Variants in REPS2 observed in about 807,000 individuals in gnomAD.
REPS2 encodes the protein ralBP1-associated Eps domain-containing protein 2.
REPS2 carries 23 observed loss-of-function variants against 53.6 expected under a neutral mutation model. That is an observed-to-expected ratio of 0.43 (90% CI 0.31 to 0.61). The LOEUF is 0.61. Among genes scored for constraint, REPS2 ranks in the 20% least tolerant of loss-of-function variants. REPS2 has a pLI of 0.11. For synonymous variants in REPS2, 238 were observed against 218.6 expected, an observed-to-expected ratio of 1.09 and a Z score of -0.78; for missense variants, 446 against 534.9, an observed-to-expected ratio of 0.83 and a Z score of 1.64.
chrX:16,998,250 A>G (rs2061256582), intron 1 of REPS2, among the ~76,000 whole-genome samples: 3 of 111,503 alleles, frequency 2.7e-5, no homozygotes. Flanking sequence ...CTGTCTAAAA[A>G]AAAATGGATG....
chrX:17,123,448 C>T (rs1189734886), intron 14 of REPS2, among the ~76,000 whole-genome samples: 1 of 112,802 alleles, frequency 8.9e-6, no homozygotes, highest in African/African-American at 3.2e-5. Context: ...AAGTCTGTCT[C>T]ATGGATGTTG....
At chrX:16,969,504 A>T (rs1229117482) in intron 1 of REPS2, among the ~76,000 whole-genome samples, 1 of 107,523 alleles carries the variant, frequency 9.3e-6, no homozygotes, top group African/African-American at 3.4e-5. Context: ...CTGGCGGATC[A>T]CTCCCGGTTA....
intron 13 of REPS2, among the ~76,000 whole-genome samples, chrX:17,094,913 ATAGT>A (rs1186026043): frequency 2.7e-5 from 3 of 110,432 alleles, no homozygotes; most frequent in East Asian, 2.8e-4. Context: ...TACCTCCCAC[ATAGT>A]TAGTGTTTAA....
At chrX:16,993,546 CTA>C (rs1441552915) in intron 1 of REPS2, among the ~76,000 whole-genome samples, 1 of 111,370 alleles carries the variant, frequency 9.0e-6, no homozygotes. Context: ...GGAAGAGAGA[CTA>C]TGTGGAGGAA....
chrX:17,024,302 C>CA (rs1165886571), intron 3 of REPS2, among the ~76,000 whole-genome samples: 9 of 96,363 alleles, frequency 9.3e-5, no homozygotes, highest in Non-Finnish European at 1.3e-4. Flanking sequence ...AACAAACAAA[C>CA]AAAAAAAAGC....
chrX:17,125,922 A>G (rs909984092), intron 14 of REPS2, among the ~76,000 whole-genome samples: 1 of 112,120 alleles, frequency 8.9e-6, no homozygotes, highest in Non-Finnish European at 1.9e-5. Flanking sequence ...AAAAAGACCC[A>G]GTGAAGTCTT....
At chrX:17,020,160 G>A (rs1029064385) in intron 2 of REPS2, among the ~76,000 whole-genome samples, 1 of 111,869 alleles carries the variant, frequency 8.9e-6, no homozygotes, top group Non-Finnish European at 1.9e-5. Context: ...ACAATATCTG[G>A]GAGCCCTACT....
chrX:17,139,019 TTTTTTTAA>T, intron 17 of REPS2, 58 bp downstream of exon 17: 2 of 768,253 alleles, frequency 2.6e-6, no homozygotes, highest in Non-Finnish European at 3.7e-6. Context: ...TTAAAAAGCT[TTTTTTTAA>T]TTTAATAGGC....
intron 13 of REPS2, 97 bp downstream of exon 13, chrX:17,077,504 A>G: frequency 1.1e-6 from 1 of 915,860 alleles, no homozygotes; most frequent in Non-Finnish European, 1.5e-6. Context: ...GAGAAAGAGC[A>G]GACCTGGCAG....
rs6629198 is a variant in REPS2, at chrX:16,973,097, G to A, written c.273+25963G>A. ...AGTACAGATCAATATTTTGTAGAATGTTCCTCAATTTGTATTTGTTTGATG... is the reference window on the plus strand; with the variant it reads ...AGTACAGATCAATATTTTGTAGAATATTCCTCAATTTGTATTTGTTTGATG... On this transcript the variant is annotated intron_variant, in intron 1 of 17. Transcript: ENST00000357277. Among the ~76,000 whole-genome samples, 599 of 111,564 alleles carry A rather than the reference G, an allele frequency of 5.4e-3. 5 individuals carry two copies. The highest frequency in any genetic ancestry group is 0.019 in the African/African-American group (573 of 30,763).
At chrX:17,062,932 A>C (rs1017539678) in intron 9 of REPS2, among the ~76,000 whole-genome samples, 1 of 112,160 alleles carries the variant, frequency 8.9e-6, no homozygotes, top group Non-Finnish European at 1.9e-5. Context: ...ATACTGAATC[A>C]GAACTGTTTT....
intron 5 of REPS2, among the ~76,000 whole-genome samples, chrX:17,044,952 G>A (rs937804831): frequency 9.9e-5 from 11 of 111,245 alleles, no homozygotes; most frequent in Non-Finnish European, 1.5e-4. Flanking sequence ...TTACTGAGAC[G>A]GAGTTTCGCT....
intron 14 of REPS2, among the ~76,000 whole-genome samples, chrX:17,130,753 A>G (rs1307073470): frequency 4.5e-5 from 5 of 111,838 alleles, no homozygotes; most frequent in Non-Finnish European, 9.4e-5. Flanking sequence ...TGTATGGCAT[A>G]GTGGTTATAA....
chrX:17,012,190 C>T (rs1245950858), intron 2 of REPS2, among the ~76,000 whole-genome samples: 1 of 109,574 alleles, frequency 9.1e-6, no homozygotes, highest in Non-Finnish European at 1.9e-5. Flanking sequence ...CCATCCTGGC[C>T]AACATGGTGA....
chrX:16,994,329 G>T (rs901671680), intron 1 of REPS2, among the ~76,000 whole-genome samples: 2 of 108,946 alleles, frequency 1.8e-5, no homozygotes, highest in African/African-American at 6.7e-5. Flanking sequence ...ATATATGTGT[G>T]TATGTATATG....
intron 17 of REPS2, among the ~76,000 whole-genome samples, chrX:17,142,794 T>G (rs2063462807): frequency 8.9e-6 from 1 of 112,170 alleles, no homozygotes. Flanking sequence ...CAGTTTCCTA[T>G]GAAGTTATAC....
intron 1 of REPS2, among the ~76,000 whole-genome samples, chrX:16,959,555 A>G (rs1569088852): frequency 8.9e-6 from 1 of 111,820 alleles, no homozygotes; most frequent in Non-Finnish European, 1.9e-5. Context: ...GAATGGAGAT[A>G]AATTCAAGGC....
rs188448741 is a variant in REPS2, at chrX:16,957,960, G to C, written c.273+10826G>C. On this transcript the variant is annotated intron_variant, in intron 1 of 17. Transcript: ENST00000357277. ...AGATGTCTCCTCGGGGCAAAATTTA[G>C]TTCTACATATATGATGATAAAAACC... Among the ~76,000 whole-genome samples the C allele has an allele frequency of 2.1e-3, 234 of 111,762 alleles. 2 individuals carry two copies. Among genetic ancestry groups the C allele is most frequent in the Middle Eastern group, 4.7e-3 (1 of 215 alleles).
At chrX:17,073,344 T>C (rs948094540) in intron 11 of REPS2, among the ~76,000 whole-genome samples, 1 of 112,456 alleles carries the variant, frequency 8.9e-6, no homozygotes, top group Non-Finnish European at 1.9e-5. Flanking sequence ...TAGCTACTGG[T>C]TCCTAAAGTT....
Sources: gnomAD v4.1 joint callset for allele counts (sites outside exome capture counted in the v4.1 genomes callset) on GRCh38, gnomAD v4.1.1 for gene constraint, MANE v1.5 for transcripts, NCBI Gene and HGNC (gene_info 2026-07-23, HGNC 2026-07-21) for gene names.